BCKDHB: variants seen among roughly 807,000 people sequenced by gnomAD.
BCKDHB encodes branched chain keto acid dehydrogenase E1 subunit beta, also known as 2-oxoisovalerate dehydrogenase subunit beta, mitochondrial.
In BCKDHB, 41 loss-of-function variants were observed where a neutral mutation model predicts 48.5. The ratio of observed to expected loss-of-function variants is 0.85; its 90% CI spans 0.66 to 1.10. BCKDHB has a LOEUF of 1.10. BCKDHB is among the 50% of genes least tolerant of loss of function. The pLI, the probability that BCKDHB is intolerant of heterozygous loss-of-function variation, is 0.00. For synonymous variants in BCKDHB, 201 were observed against 174.8 expected, an observed-to-expected ratio of 1.15 and a Z score of -1.18; for missense variants, 496 against 494.2, an observed-to-expected ratio of 1.00 and a Z score of -0.03.
the BCKDHB span, among the ~76,000 whole-genome samples, chr6:80,357,728 T>C: frequency 6.6e-6 from 1 of 152,216 alleles, no homozygotes; most frequent in Non-Finnish European, 1.5e-5. Flanking sequence ...TGGAAATTTA[T>C]GGCTGTGTCC....
intron 9 of BCKDHB, among the ~76,000 whole-genome samples, chr6:80,277,716 A>G (rs371671947): frequency 1.3e-5 from 2 of 150,556 alleles, no homozygotes; most frequent in South Asian, 2.1e-4. Context: ...AAAGAGTCCA[A>G]TTGGAGAGGA....
At chr6:80,374,766 G>A in the BCKDHB span, among the ~76,000 whole-genome samples, 2 of 152,112 alleles carry the variant, frequency 1.3e-5, no homozygotes, top group Admixed American at 1.3e-4. Context: ...ACGCTTTAAG[G>A]AGATTTTATT....
chr6:80,451,243 G>A, the BCKDHB span, among the ~76,000 whole-genome samples: 2 of 151,570 alleles, frequency 1.3e-5, no homozygotes, highest in Admixed American at 1.3e-4. Flanking sequence ...TTTGCATAAA[G>A]CATATAAAAA....
At chr6:80,123,516 T>C (rs570274219) in intron 1 of BCKDHB, among the ~76,000 whole-genome samples, 1 of 152,340 alleles carries the variant, frequency 6.6e-6, no homozygotes, top group Admixed American at 6.5e-5. Flanking sequence ...TGAATCCATC[T>C]GGTCCTGGAC....
intron 9 of BCKDHB, among the ~76,000 whole-genome samples, chr6:80,325,812 A>C (rs2128005332): frequency 6.6e-6 from 1 of 152,340 alleles, no homozygotes; most frequent in Non-Finnish European, 1.5e-5. Context: ...TCATGAGAGA[A>C]ACACCAGACA....
intron 8 of BCKDHB, among the ~76,000 whole-genome samples, chr6:80,243,246 T>C (rs1207524528): frequency 1.3e-5 from 2 of 152,138 alleles, no homozygotes; most frequent in Non-Finnish European, 2.9e-5. Flanking sequence ...AGGCTTATTA[T>C]GTTTCATTCT....
chr6:80,322,815 C>G (rs1434561858), intron 9 of BCKDHB, among the ~76,000 whole-genome samples: 1 of 151,792 alleles, frequency 6.6e-6, no homozygotes, highest in Non-Finnish European at 1.5e-5. Context: ...CTAACTCTTG[C>G]ATTCTGTTCT....
At chr6:80,236,232 A>G (rs1030480141) in intron 8 of BCKDHB, among the ~76,000 whole-genome samples, 10 of 152,188 alleles carry the variant, frequency 6.6e-5, no homozygotes, top group African/African-American at 2.4e-4. Context: ...TGAATGCATT[A>G]CATATATTAT....
the BCKDHB span, among the ~76,000 whole-genome samples, chr6:80,406,902 T>C: frequency 7.2e-5 from 11 of 152,346 alleles, no homozygotes; most frequent in African/African-American, 2.4e-4. Context: ...TGCTATTGCT[T>C]TTGTGTTTTA....
chr6:80,443,768 C>T, the BCKDHB span, among the ~76,000 whole-genome samples: 3 of 152,004 alleles, frequency 2.0e-5, no homozygotes, highest in Admixed American at 6.6e-5. Context: ...TGCATACTCC[C>T]AAAATGCTGG....
intron 6 of BCKDHB, among the ~76,000 whole-genome samples, chr6:80,184,006 G>A (rs1582306555): frequency 6.6e-6 from 1 of 152,058 alleles, no homozygotes; most frequent in Admixed American, 6.5e-5. Flanking sequence ...AGGTATCTTG[G>A]TTGCTTCTAA....
chr6:80,329,202 ATTT>A (rs1769199577), intron 9 of BCKDHB, among the ~76,000 whole-genome samples: 1 of 152,164 alleles, frequency 6.6e-6, no homozygotes, highest in Non-Finnish European at 1.5e-5. Context: ...CCCTATTTTA[ATTT>A]TTCTAAGTTT....
At chr6:80,171,165 G>A in intron 5 of BCKDHB, 117 bp from the exon 6 acceptor site, 1 of 641,064 alleles carries the variant, frequency 1.6e-6, no homozygotes, top group Admixed American at 2.7e-5. Flanking sequence ...AAAATAAATA[G>A]CCAATATCTA....
At chr6:80,193,448 A>G (rs1356853598) in intron 6 of BCKDHB, among the ~76,000 whole-genome samples, 1 of 151,956 alleles carries the variant, frequency 6.6e-6, no homozygotes, top group Non-Finnish European at 1.5e-5. Flanking sequence ...GCCAGGCGTG[A>G]TGGCTCACGC....
chr6:80,276,212 G>A (rs533162217), intron 9 of BCKDHB, among the ~76,000 whole-genome samples: 79 of 152,046 alleles, frequency 5.2e-4, no homozygotes, highest in Middle Eastern at 6.8e-3. Flanking sequence ...ATATCTGGTA[G>A]CTTTTTAAAA....
the BCKDHB span, among the ~76,000 whole-genome samples, chr6:80,464,138 A>C: frequency 3.3e-5 from 5 of 151,972 alleles, no homozygotes; most frequent in Middle Eastern, 6.8e-3. Flanking sequence ...TATTATTATT[A>C]TTCTTTTGAA....
chr6:80,309,893 C>A (rs1320274128), intron 9 of BCKDHB, among the ~76,000 whole-genome samples: 1 of 152,072 alleles, frequency 6.6e-6, no homozygotes, highest in Non-Finnish European at 1.5e-5. Flanking sequence ...TGGTTTGCTG[C>A]CTTCTTTATG....
At chr6:80,126,825 T>C (rs1770365543) in intron 1 of BCKDHB, among the ~76,000 whole-genome samples, 1 of 152,054 alleles carries the variant, frequency 6.6e-6, no homozygotes, top group African/African-American at 2.4e-5. Flanking sequence ...TTCAGAAGAG[T>C]ACTAAGGTGA....
At chr6:80,110,149 C>G (rs1769337720) in intron 1 of BCKDHB, among the ~76,000 whole-genome samples, 2 of 152,212 alleles carry the variant, frequency 1.3e-5, no homozygotes, top group South Asian at 2.1e-4. Flanking sequence ...GGCATGTTTG[C>G]TCCCTTTATT....
Sources: gnomAD v4.1 joint callset for allele counts (sites outside exome capture counted in the v4.1 genomes callset) on GRCh38, gnomAD v4.1.1 for gene constraint, MANE v1.5 for transcripts, NCBI Gene and HGNC (gene_info 2026-07-23, HGNC 2026-07-21) for gene names.